Variants in CNTN6 observed in about 807,000 individuals in gnomAD.
CNTN6 encodes the protein contactin-6.
A neutral mutation model predicts 122.8 loss-of-function variants in CNTN6; 137 were observed. That is an observed-to-expected ratio of 1.12 (90% CI 0.97 to 1.29). CNTN6 has a LOEUF of 1.29. Ranked by LOEUF, CNTN6 falls within the 50% of genes most tolerant of loss-of-function variation. CNTN6 has a pLI of 0.00. For synonymous variants in CNTN6, 570 were observed against 426.0 expected, an observed-to-expected ratio of 1.34 and a Z score of -4.16; for missense variants, 1,634 against 1,223.4, an observed-to-expected ratio of 1.34 and a Z score of -5.01.
At chr3:1,341,264 G>A (rs1011368115) in intron 11 of CNTN6, among the ~76,000 whole-genome samples, 77 of 151,160 alleles carry the variant, frequency 5.1e-4, no homozygotes, top group Non-Finnish European at 5.7e-4. Context: ...ATACTTTCTA[G>A]TCTTTTCTTT....
chr3:1,243,666 G>T (rs1010534777), intron 4 of CNTN6, among the ~76,000 whole-genome samples: 1 of 152,194 alleles, frequency 6.6e-6, no homozygotes, highest in African/African-American at 2.4e-5. Context: ...TAAAGAAAAA[G>T]AAGCATTAAC....
chr3:1,327,692 C>T, intron 10 of CNTN6, 106 bp downstream of exon 10: 1 of 1,131,014 alleles, frequency 8.8e-7, no homozygotes, highest in Non-Finnish European at 1.2e-6. Flanking sequence ...ATTGCTGTCC[C>T]ATCAAATAAT....
rs182616801 is a variant in CNTN6 at position 1,283,930 on chromosome 3, C to T, written c.454+5422C>T. Among the ~76,000 whole-genome samples the T allele has an allele frequency of 1.4e-4, 22 of 152,244 alleles. No individual in the cohort carries two copies. In the East Asian group the frequency reaches 3.3e-3, roughly 23 times the overall value. ...AGGAGAATCACTTGACTCTGGGAGGCGGAGGTTGCAGTGAGCCAAGATCAT... is the reference window on the plus strand; with the variant it reads ...AGGAGAATCACTTGACTCTGGGAGGTGGAGGTTGCAGTGAGCCAAGATCAT... On this transcript the variant is annotated intron_variant, in intron 5 of 22. Coordinates refer to ENST00000446702, the MANE Select transcript of CNTN6 (RefSeq NM_001289080.2).
intron 11 of CNTN6, among the ~76,000 whole-genome samples, chr3:1,348,103 A>G (rs975383331): frequency 7.6e-5 from 11 of 144,166 alleles, no homozygotes; most frequent in African/African-American, 2.9e-4. Context: ...ATTTATATCA[A>G]TTAATCCTCA....
In CNTN6 at chr3:1,377,022, G is replaced by T. The variant is rs1294980674; in HGVS notation, c.2113G>T (p.Val705Leu). Reference protein sequence around the residue: ...TKASVPVVAPVNIHGGGGSRS... With the variant: ...TKASVPVVAPLNIHGGGGSRS... ...ATTTTTAGTCCCTGTTGTGGCACCAGTAAACATCCATGGAGGTGGAGGAAG... is the reference window on the plus strand; with the variant it reads ...ATTTTTAGTCCCTGTTGTGGCACCATTAAACATCCATGGAGGTGGAGGAAG... The change falls in exon 17 of 23, where the codon GTA (valine) becomes TTA (leucine). Residue 705 changes from valine (V) to leucine (L), a missense_variant. By Grantham distance (32) the Val-to-Leu change is conservative. Transcript: ENST00000446702. The T allele has an allele frequency of 6.2e-7, 1 of 1,602,896 alleles. No individual in the cohort carries two copies. The highest frequency in any genetic ancestry group is 1.3e-5 in the African/African-American group (1 of 74,584).
intron 1 of CNTN6, among the ~76,000 whole-genome samples, chr3:1,139,937 G>A (rs1336361875): frequency 2.0e-5 from 3 of 152,146 alleles, no homozygotes; most frequent in Admixed American, 6.6e-5. Flanking sequence ...TTTCAATCTT[G>A]TCTACCTATT....
chr3:1,285,751 A>T (rs1055333478), intron 5 of CNTN6, among the ~76,000 whole-genome samples: 1 of 152,202 alleles, frequency 6.6e-6, no homozygotes, highest in Non-Finnish European at 1.5e-5. Flanking sequence ...TCTAAACATC[A>T]GTGCATTTAT....
intron 7 of CNTN6, among the ~76,000 whole-genome samples, chr3:1,312,037 A>G (rs892175351): frequency 2.6e-5 from 4 of 151,922 alleles, no homozygotes; most frequent in African/African-American, 9.7e-5. Context: ...TTTTTAGAAA[A>G]TTAGGATTAT....
At chr3:1,250,483 C>T (rs1451164314) in intron 4 of CNTN6, among the ~76,000 whole-genome samples, 1 of 152,150 alleles carries the variant, frequency 6.6e-6, no homozygotes, top group Non-Finnish European at 1.5e-5. Flanking sequence ...GGCAAGATTC[C>T]CACAAACACA....
chr3:1,357,448 A>G (rs1263973140), intron 12 of CNTN6, among the ~76,000 whole-genome samples: 1 of 151,914 alleles, frequency 6.6e-6, no homozygotes, highest in African/African-American at 2.4e-5. Context: ...CCTAGGCACC[A>G]TGATAGGTTC....
At chr3:1,328,062 G>T (rs1440988204) in intron 10 of CNTN6, among the ~76,000 whole-genome samples, 2 of 151,742 alleles carry the variant, frequency 1.3e-5, no homozygotes, top group Non-Finnish European at 2.9e-5. Context: ...CAAGATGGCT[G>T]CTCTAGTTAT....
At chr3:1,165,131 C>A (rs1456567728) in intron 2 of CNTN6, among the ~76,000 whole-genome samples, 2 of 152,134 alleles carry the variant, frequency 1.3e-5, no homozygotes, top group African/African-American at 4.8e-5. Flanking sequence ...ATGTTACATG[C>A]TTGTCCATGG....
At chr3:1,125,919 A>G (rs574752129) in intron 1 of CNTN6, among the ~76,000 whole-genome samples, 1 of 151,952 alleles carries the variant, frequency 6.6e-6, no homozygotes, top group African/African-American at 2.4e-5. Context: ...CGGGCACTGT[A>G]GTTTTCAGTT....
Position 1,160,344 on chromosome 3 carries a change from GTATATATA to G in CNTN6, c.55+12298_55+12305del, listed in dbSNP as rs56703431. Among the ~76,000 whole-genome samples, 514 of 111,082 alleles carry G rather than the reference GTATATATA, an allele frequency of 4.6e-3. 17 individuals carry two copies. The highest frequency in any genetic ancestry group is 8.2e-3 in the South Asian group (25 of 3,038). 72.9% of individuals were successfully genotyped at this position (111,082 alleles called of 152,430 possible). On this transcript the variant is annotated intron_variant, in intron 2 of 22. Coordinates refer to ENST00000446702, the MANE Select transcript of CNTN6 (RefSeq NM_001289080.2). The stretch of plus-strand genomic sequence containing the variant: ...TCTCATCACACAATTTACTTTTACT[GTATATATA>G]TATATATATATATATACACACTACC...
chr3:1,345,462 G>GACA (rs1242093425), intron 11 of CNTN6, among the ~76,000 whole-genome samples: 2 of 152,002 alleles, frequency 1.3e-5, no homozygotes, highest in African/African-American at 2.4e-5. Context: ...TGATGGAAAG[G>GACA]ACAACCTTTA....
chr3:1,238,079 C>T (rs62229423), intron 4 of CNTN6, among the ~76,000 whole-genome samples: 11,181 of 151,140 alleles, frequency 0.074, 488 homozygotes, highest in Middle Eastern at 0.14. Context: ...TAGAATAGTA[C>T]CTCACATCTC....
chr3:1,308,642 C>T (rs1698744883), intron 7 of CNTN6, among the ~76,000 whole-genome samples: 1 of 151,930 alleles, frequency 6.6e-6, no homozygotes, highest in Non-Finnish European at 1.5e-5. Flanking sequence ...TTGTCTCCGA[C>T]TCTAATCCAT....
At chr3:1,278,812 C>T (rs1692873473) in intron 5 of CNTN6, among the ~76,000 whole-genome samples, 1 of 152,100 alleles carries the variant, frequency 6.6e-6, no homozygotes, top group Admixed American at 6.5e-5. Flanking sequence ...GACAGGCAAA[C>T]TTCATGACAA....
rs753042243 is a variant in CNTN6, at chr3:1,148,020, A to G, written c.12A>G (p.Leu4=). 3.1e-6 allele frequency: 5 copies of G among 1,607,402 alleles called. No individual in the cohort carries two copies. The highest frequency in any genetic ancestry group is 4.3e-6 in the Non-Finnish European group (5 of 1,175,138). The change falls in exon 2 of 23, where the codon CTA becomes CTG. Residue 4 remains leucine, a synonymous_variant. Transcript: ENST00000446702. The stretch of plus-strand genomic sequence containing the variant: ...CTTAGAAAGTGGAAATGAGGTTGCT[A>G]TGGAAACTGGTAATTCTGCTGCCAC... MRL[L]WKLVILLPLI...
Sources: allele counts gnomAD v4.1 joint callset (sites outside exome capture counted in the v4.1 genomes callset), GRCh38; gene constraint gnomAD v4.1.1; transcripts MANE v1.5; gene names NCBI Gene and HGNC (gene_info 2026-07-23, HGNC 2026-07-21).